Variants in CNTN1 observed in about 807,000 individuals in gnomAD.
CNTN1 encodes the protein contactin-1.
In CNTN1, 38 loss-of-function variants were observed where a neutral mutation model predicts 126.4. That is an observed-to-expected ratio of 0.30 (90% CI 0.23 to 0.39). The LOEUF (loss-of-function observed/expected upper bound fraction) is 0.39. Ranked by LOEUF, CNTN1 falls within the 10% of genes least tolerant of loss-of-function variation. The pLI, the probability that CNTN1 is intolerant of heterozygous loss-of-function variation, is 1.00. For missense variants in CNTN1, 1,009 were observed against 1,248.4 expected, an observed-to-expected ratio of 0.81 and a Z score of 2.89; for synonymous variants, 413 against 422.6, an observed-to-expected ratio of 0.98 and a Z score of 0.28.
rs1287328282 is a variant in CNTN1, at chr12:40,929,826, A to C, written c.527A>C (p.Glu176Ala). 4.3e-6 allele frequency: 7 copies of C among 1,612,218 alleles called. No individual in the cohort carries two copies. The highest frequency in any genetic ancestry group is 5.9e-6 in the Non-Finnish European group (7 of 1,178,874). Residue 176 changes from glutamate (E) to alanine (A), a missense_variant, in exon 7 of 24, where the codon GAA becomes GCA. Physicochemically the swap from Glu to Ala is moderately radical, Grantham distance 107. Transcript: ENST00000551295. Reference protein sequence around the residue: ...DDLSYRWLLNEFPVFITMDKR... With the variant: ...DDLSYRWLLNAFPVFITMDKR... ...CTTAGCTATCGCTGGCTTCTAAATG[A>C]ATTTCCTGTATTTATCACAATGGAT...
chr12:40,718,308 A>G (rs1300984255), intron 1 of CNTN1, among the ~76,000 whole-genome samples: 1 of 151,840 alleles, frequency 6.6e-6, no homozygotes, highest in Non-Finnish European at 1.5e-5. Context: ...AGCTGGGACT[A>G]CAGGCACGTG....
At chr12:40,701,232 A>T (rs1484209745) in intron 1 of CNTN1, among the ~76,000 whole-genome samples, 1 of 152,188 alleles carries the variant, frequency 6.6e-6, no homozygotes, top group Non-Finnish European at 1.5e-5. Flanking sequence ...TATCTTATTG[A>T]TATCTTTCAC....
chr12:41,069,633 A>G (rs1414491712), intron 23 of CNTN1, among the ~76,000 whole-genome samples: 1 of 129,632 alleles, frequency 7.7e-6, no homozygotes, highest in African/African-American at 3.0e-5. Context: ...TTACTTTTTT[A>G]ATGCATGTAT....
chr12:40,752,351 C>T (rs2136400191), intron 1 of CNTN1, among the ~76,000 whole-genome samples: 1 of 152,176 alleles, frequency 6.6e-6, no homozygotes, highest in East Asian at 1.9e-4. Context: ...TGAGTAGAAT[C>T]TCAAGAGACT....
chr12:41,049,161 T>C (rs1949616353), intron 23 of CNTN1, among the ~76,000 whole-genome samples: 1 of 152,210 alleles, frequency 6.6e-6, no homozygotes, highest in Non-Finnish European at 1.5e-5. Flanking sequence ...TTTCTGGTAA[T>C]CATTCCAACC....
chr12:41,051,673 TA>T lies in CNTN1; in HGVS notation c.2981-18285del, dbSNP rs1949685900. Among the ~76,000 whole-genome samples, 6 of 152,102 alleles carry T rather than the reference TA, an allele frequency of 3.9e-5. No homozygotes were observed. In the South Asian group the frequency reaches 1.2e-3, roughly 32 times the overall value. The stretch of plus-strand genomic sequence containing the variant: ...AACTGTGAATGAAAGTTCTCTCAGG[TA>T]GGGGTGAACCTATAGAAGTGAGCAC... On this transcript the variant is annotated intron_variant, in intron 23 of 23. Coordinates refer to ENST00000551295, the MANE Select transcript of CNTN1 (RefSeq NM_001843.4).
intron 1 of CNTN1, among the ~76,000 whole-genome samples, chr12:40,807,276 G>A (rs2136496220): frequency 6.6e-6 from 1 of 151,860 alleles, no homozygotes; most frequent in Admixed American, 6.6e-5. Flanking sequence ...TCATATAAAT[G>A]GTTCCCTCAA....
Position 41,029,207 on chromosome 12 carries a change from G to C in CNTN1, c.2968G>C (p.Val990Leu). 1 of 1,614,038 alleles carries C rather than the reference G, an allele frequency of 6.2e-7. No individual in the cohort carries two copies. The highest frequency in any genetic ancestry group is 8.5e-7 in the Non-Finnish European group (1 of 1,179,968). ...TGGAGGAGATGGAGTGGTGTCTCAA[G>C]TCAAAATTTCAGGTAAGTGAGTCAT... ...SDGGDGVVSQ[V>L]KISGAPTLSP... is the part of the protein sequence containing the mutation. Residue 990 changes from valine (V) to leucine (L), a missense_variant, in exon 23 of 24, where the codon GTC (valine) becomes CTC (leucine). Val to Leu is a conservative substitution (Grantham distance 32). Coordinates refer to ENST00000551295, the MANE Select transcript of CNTN1 (RefSeq NM_001843.4).
In CNTN1 at chr12:40,850,496, A is replaced by C. The variant is rs114109575; in HGVS notation, c.-76-57861A>C. Among the ~76,000 whole-genome samples the C allele has an allele frequency of 6.2e-3, 950 of 152,210 alleles. 9 individuals are homozygous for C. The highest frequency in any genetic ancestry group is 0.022 in the African/African-American group (895 of 41,552). On this transcript the variant is annotated intron_variant, in intron 1 of 23. Transcript: ENST00000551295. Reference sequence around the variant, plus strand: ...TATTCCTTTATATGTTATAAAACAAAATGGATTTGCTAAAGCCTTCCATCT... The same window carrying C: ...TATTCCTTTATATGTTATAAAACAACATGGATTTGCTAAAGCCTTCCATCT...
At chr12:40,754,107 G>A (rs1181278014) in intron 1 of CNTN1, among the ~76,000 whole-genome samples, 1 of 151,986 alleles carries the variant, frequency 6.6e-6, no homozygotes, top group Admixed American at 6.6e-5. Context: ...CACTATAGAT[G>A]TGTGTGCATA....
At chr12:40,864,102 C>T (rs1418504529) in intron 1 of CNTN1, among the ~76,000 whole-genome samples, 1 of 147,402 alleles carries the variant, frequency 6.8e-6, no homozygotes, top group Non-Finnish European at 1.5e-5. Flanking sequence ...CTCACTGCAA[C>T]CTCTGCCTCC....
intron 23 of CNTN1, among the ~76,000 whole-genome samples, chr12:41,053,757 C>G (rs1278657088): frequency 6.6e-6 from 1 of 151,284 alleles, no homozygotes; most frequent in African/African-American, 2.4e-5. Flanking sequence ...TATTATTATA[C>G]TTGTTGAACT....
chr12:40,977,904 G>A lies in CNTN1; in HGVS notation c.1805-3005G>A, dbSNP rs1036209094. 1.2e-3 allele frequency among the ~76,000 whole-genome samples: 188 copies of A among 152,186 alleles called. 2 individuals are homozygous for A. Among genetic ancestry groups the A allele is most frequent in the African/African-American group, 4.3e-3 (177 of 41,530 alleles). ...TGCAACCTCTGCCTCCCAGGTTCAA[G>A]CAATTCTCCTGTCTCAGCCTCCTGA... is the stretch of plus-strand genomic sequence containing the variant. On this transcript the variant is annotated intron_variant, in intron 15 of 23. Coordinates refer to ENST00000551295, the MANE Select transcript of CNTN1 (RefSeq NM_001843.4).
At position 40,788,259 on chromosome 12, in the gene CNTN1, A is replaced by T. The variant is rs575914106; in HGVS notation, c.-77+95667A>T. On this transcript the variant is annotated intron_variant, in intron 1 of 23. Transcript: ENST00000551295. ...ACTATACACACAGCCGCTATGGAAA[A>T]ATAGTTCCCAGCACATTCTAACTGG... Among the ~76,000 whole-genome samples, 18 of 152,250 alleles carry T rather than the reference A, an allele frequency of 1.2e-4. 1 individual carries two copies. Among genetic ancestry groups the T allele is most frequent in the African/African-American group, 4.1e-4 (17 of 41,560 alleles).
chr12:40,883,006 G>A (rs986434356), intron 1 of CNTN1, among the ~76,000 whole-genome samples: 3 of 151,444 alleles, frequency 2.0e-5, no homozygotes, highest in African/African-American at 7.3e-5. Context: ...AATTATTCCA[G>A]AATATTTATT....
intron 1 of CNTN1, among the ~76,000 whole-genome samples, chr12:40,877,465 A>G (rs1943709790): frequency 6.6e-6 from 1 of 152,170 alleles, no homozygotes; most frequent in Non-Finnish European, 1.5e-5. Flanking sequence ...TGCATTGCAC[A>G]TTACAGAAAG....
At chr12:40,748,445 A>T (rs1396178480) in intron 1 of CNTN1, among the ~76,000 whole-genome samples, 1 of 152,140 alleles carries the variant, frequency 6.6e-6, no homozygotes, top group Non-Finnish European at 1.5e-5. Context: ...CTGGTAAATT[A>T]TATAACACAG....
intron 1 of CNTN1, among the ~76,000 whole-genome samples, chr12:40,775,447 C>CAGA (rs1939540307): frequency 6.6e-6 from 1 of 151,120 alleles, no homozygotes; most frequent in East Asian, 1.9e-4. Flanking sequence ...TTATTTTTTT[C>CAGA]CATTATATTT....
chr12:41,066,919 T>C (rs1261543372), intron 23 of CNTN1, among the ~76,000 whole-genome samples: 1 of 152,156 alleles, frequency 6.6e-6, no homozygotes, highest in African/African-American at 2.4e-5. Flanking sequence ...TAGAGAAAAA[T>C]TATTCACAAG....
Sources: allele counts gnomAD v4.1 joint callset (sites outside exome capture counted in the v4.1 genomes callset), GRCh38; gene constraint gnomAD v4.1.1; transcripts MANE v1.5; gene names NCBI Gene and HGNC (gene_info 2026-07-23, HGNC 2026-07-21).